The following EXOSC8 variants were observed in gnomAD, a reference collection of about 807,000 sequenced individuals.
EXOSC8 encodes the protein exosome complex component RRP43.
EXOSC8 carries 37 observed loss-of-function variants against 39.9 expected under a neutral mutation model. The observed-to-expected ratio is 0.93, with a 90% CI of 0.71 to 1.22. EXOSC8 has a LOEUF of 1.22. Among genes scored for constraint, EXOSC8 ranks in the 50% most tolerant of loss-of-function variants. EXOSC8 has a pLI of 0.00. For synonymous variants in EXOSC8, 93 were observed against 109.5 expected (o/e 0.85, Z 0.94); for missense variants, 313 against 326.6 (o/e 0.96, Z 0.32).
intron 1 of EXOSC8, 101 bp from the exon 2 acceptor site, chr13:37,002,172 A>C (rs2059110483): frequency 3.8e-6 from 3 of 799,632 alleles, no homozygotes; most frequent in Non-Finnish European, 6.3e-6. Flanking sequence ...AAAGTTGTGG[A>C]GATTTATGCT....
intron 9 of EXOSC8, among the ~76,000 whole-genome samples, 163 bp from the exon 10 acceptor site, chr13:37,008,566 C>T (rs1593708075): frequency 6.6e-6 from 1 of 152,296 alleles, no homozygotes; most frequent in African/African-American, 2.4e-5. Flanking sequence ...ACCAGCCTGG[C>T]CAACATGTTG....
intron 9 of EXOSC8, 125 bp from the exon 10 acceptor site, chr13:37,008,604 A>T: frequency 1.5e-6 from 1 of 646,992 alleles, no homozygotes; most frequent in Non-Finnish European, 2.7e-6. Flanking sequence ...AAAACACAAA[A>T]ATTAGCTGGG....
chr13:37,003,039 G>A (rs2059116787), intron 4 of EXOSC8, 32 bp downstream of exon 4: 2 of 1,274,740 alleles, frequency 1.6e-6, no homozygotes, highest in Admixed American at 1.7e-5. Flanking sequence ...TGAGATTTGA[G>A]TTACAAAGTT....
rs1381770200 is a variant in EXOSC8 at position 37,002,500 on chromosome 13, C to T, written c.67C>T (p.Arg23Cys). The change falls in exon 3 of 11, where the codon CGT becomes TGT. Residue 23 changes from arginine (R) to cysteine (C), a missense_variant. Transcript: ENST00000389704. ...YYRRFLKENC[R>C]PDGRELGEFR... ...CATATTTATTTAGAAAGAGAACTGC[C>T]GTCCTGATGGAAGAGAACTTGGTGA... The T allele has an allele frequency of 2.5e-6, 4 of 1,580,048 alleles. No homozygotes were observed. Among genetic ancestry groups the T allele is most frequent in the South Asian group, 1.2e-5 (1 of 85,422 alleles).
intron 8 of EXOSC8, 149 bp downstream of exon 8, chr13:37,007,220 AT>A: frequency 1.5e-6 from 1 of 660,744 alleles, no homozygotes; most frequent in Non-Finnish European, 2.7e-6. Context: ...ATAGTTGTAT[AT>A]TCTCTAACTG....
intron 1 of EXOSC8, chr13:37,001,698 G>GT (rs936839013): frequency 2.6e-5 from 4 of 152,352 alleles, no homozygotes; most frequent in African/African-American, 9.6e-5. Context: ...GAGACTAGTA[G>GT]TAACTCCTGG....
At chr13:37,002,613 CCAAA>C (rs1214635685) in intron 3 of EXOSC8, 62 bp downstream of exon 3, 18 of 1,158,290 alleles carry the variant, frequency 1.6e-5, no homozygotes, top group African/African-American at 9.3e-5. Context: ...TATGAACCAG[CCAAA>C]CAGTTTTTCA....
rs1408860830 is a variant in EXOSC8, at chr13:37,008,770, T to TGGCA, written c.651_654dup (p.Thr219GlyfsTer11). The TGGCA allele has an allele frequency of 1.2e-6, 2 of 1,613,702 alleles. No individual in the cohort carries two copies. The highest frequency in any genetic ancestry group is 1.7e-6 in the Non-Finnish European group (2 of 1,179,656). ...GACCCTACTGGAGAGGAGGAACATC[T>TGGCA]GGCAACAGGAACCTTAACAATAGTA... On this transcript the variant is annotated frameshift_variant, in exon 10 of 11. Coordinates refer to ENST00000389704, the MANE Select transcript of EXOSC8 (RefSeq NM_181503.3). LOFTEE classifies it high-confidence loss of function.
chr13:37,006,836 GCA>G, intron 7 of EXOSC8, 137 bp from the exon 8 acceptor site: 1 of 584,932 alleles, frequency 1.7e-6, no homozygotes, highest in Non-Finnish European at 3.0e-6. Flanking sequence ...AAAAGGTGAA[GCA>G]TTTTCTTAAG....
intron 1 of EXOSC8, 81 bp from the exon 2 acceptor site, chr13:37,002,192 C>G: frequency 9.6e-7 from 1 of 1,040,924 alleles, no homozygotes; most frequent in Non-Finnish European, 1.5e-6. Context: ...TGCATCACCA[C>G]ACTTAAGATC....
At chr13:37,008,007 T>C in intron 8 of EXOSC8, 50 bp from the exon 9 acceptor site, 1 of 1,353,740 alleles carries the variant, frequency 7.4e-7, no homozygotes, top group Non-Finnish European at 1.0e-6. Flanking sequence ...AGCTTAGAAA[T>C]CATTTGTTTC....
Position 37,009,228 on chromosome 13 carries a change from C to A in EXOSC8, c.760C>A (p.Arg254=). The part of the protein sequence containing the change: ...TGAKLQDCMS[R]AVTRHKEVKK... ...AGCTAAACTTCAGGACTGTATGAGC[C>A]GAGCAGTTACAAGACACAAAGAAGT... The change falls in exon 11 of 11, where the codon CGA becomes AGA. Residue 254 remains arginine (R), a synonymous_variant. Coordinates refer to ENST00000389704, the MANE Select transcript of EXOSC8 (RefSeq NM_181503.3). 6.2e-7 allele frequency: 1 copy of A among 1,613,558 alleles called. No individual in the cohort carries two copies. The highest frequency in any genetic ancestry group is 8.5e-7 in the Non-Finnish European group (1 of 1,179,786).
chr13:37,007,946 GAA>G, intron 8 of EXOSC8, 109 bp from the exon 9 acceptor site: 1 of 797,036 alleles, frequency 1.3e-6, no homozygotes, highest in Non-Finnish European at 2.0e-6. Context: ...TTTTTAAAAA[GAA>G]ATGTTCTGGG....
chr13:37,003,289 G>C (rs2059118287), intron 4 of EXOSC8: 1 of 355,652 alleles, frequency 2.8e-6, no homozygotes, highest in Non-Finnish European at 5.1e-6. Flanking sequence ...GATTTTTGGT[G>C]ACATCCTTTT....
intron 5 of EXOSC8, among the ~76,000 whole-genome samples, chr13:37,005,128 T>C (rs1276403507): frequency 6.6e-6 from 1 of 151,774 alleles, no homozygotes; most frequent in Non-Finnish European, 1.5e-5. Context: ...AAAAAAAAAA[T>C]AGAATGGAAT....
chr13:37,007,651 A>G (rs965651232), intron 8 of EXOSC8, among the ~76,000 whole-genome samples: 2 of 152,304 alleles, frequency 1.3e-5, no homozygotes, highest in Admixed American at 6.5e-5. Flanking sequence ...AAATATTATA[A>G]TAGACTGGTT....
intron 8 of EXOSC8, among the ~76,000 whole-genome samples, chr13:37,007,311 T>C (rs2059145654): frequency 6.6e-6 from 1 of 152,208 alleles, no homozygotes; most frequent in Non-Finnish European, 1.5e-5. Context: ...AGTGTTAATA[T>C]TGGTGGGAGA....
At position 37,008,295 on chromosome 13, in the gene EXOSC8, C is replaced by A. The variant is rs894804731; in HGVS notation, c.608+118C>A. 2.2e-5 allele frequency: 18 copies of A among 813,436 alleles called. No individual in the cohort carries two copies. In the South Asian group the frequency reaches 2.6e-4, roughly 12 times the overall value. 50.4% of individuals were successfully genotyped at this position (813,436 alleles called of 1,614,324 possible). On this transcript the variant is annotated intron_variant, in intron 9 of 10. Coordinates refer to ENST00000389704, the MANE Select transcript of EXOSC8 (RefSeq NM_181503.3). ...ACCCTACATCCTAGTTTTCCCTGGA[C>A]ACTTGAGTTTCTACTTGTCCCTGCA...
chr13:37,002,140 T>G, intron 1 of EXOSC8, 133 bp from the exon 2 acceptor site: 1 of 622,450 alleles, frequency 1.6e-6, no homozygotes, highest in Non-Finnish European at 2.9e-6. Flanking sequence ...GATTTTTACT[T>G]TCTAGAATTA....
Sources: gnomAD v4.1 joint callset for allele counts (sites outside exome capture counted in the v4.1 genomes callset) on GRCh38, gnomAD v4.1.1 for gene constraint, MANE v1.5 for transcripts, NCBI Gene and HGNC (gene_info 2026-07-23, HGNC 2026-07-21) for gene names.